Variants in LRP1B observed in about 807,000 individuals in gnomAD.
LRP1B encodes LDL receptor related protein 1B.
In LRP1B, 217 loss-of-function variants were observed where a neutral mutation model predicts 556.6. The observed-to-expected ratio is 0.39, with a 90% confidence interval of 0.35 to 0.44. The LOEUF (loss-of-function observed/expected upper bound fraction) is 0.44. Among genes scored for constraint, LRP1B ranks in the 20% least tolerant of loss-of-function variants. The probability of loss-of-function intolerance (pLI) is 1.00; values close to 1 mark genes in which losing one functional copy is unlikely to be tolerated. For missense variants in LRP1B, 5,053 were observed against 5,620.8 expected (o/e 0.90, Z 3.23); for synonymous variants, 2,047 against 1,865.8 (o/e 1.10, Z -2.50).
chr2:141,699,648 C>A (rs1007858108), intron 2 of LRP1B, among the ~76,000 whole-genome samples: 1 of 151,394 alleles, frequency 6.6e-6, no homozygotes, highest in Non-Finnish European at 1.5e-5. Context: ...GGTGGCATAG[C>A]CTTCCAGCCA....
chr2:141,412,089 A>C (rs551036663), intron 3 of LRP1B, among the ~76,000 whole-genome samples: 2 of 152,334 alleles, frequency 1.3e-5, no homozygotes, highest in South Asian at 4.1e-4. Context: ...GCTAATCAGC[A>C]AACACCAGGC....
chr2:140,471,581 A>G (rs1292190086), intron 60 of LRP1B, among the ~76,000 whole-genome samples: 1 of 152,188 alleles, frequency 6.6e-6, no homozygotes, highest in Non-Finnish European at 1.5e-5. Context: ...GATCTACTAC[A>G]TAACTATTGA....
intron 41 of LRP1B, among the ~76,000 whole-genome samples, chr2:140,662,180 C>A (rs552821): frequency 0.99 from 149,927 of 151,984 alleles, 73,978 homozygotes; most frequent in Middle Eastern, 1. Flanking sequence ...TATATATATC[C>A]GCTATATATA....
chr2:141,266,323 CAA>C (rs34877238), intron 3 of LRP1B, among the ~76,000 whole-genome samples: 38 of 73,282 alleles, frequency 5.2e-4, no homozygotes, highest in South Asian at 2.1e-3. Flanking sequence ...GACTCTGTTT[CAA>C]AAAAAAAAAA....
At chr2:140,974,601 G>A (rs1435037503) in intron 18 of LRP1B, among the ~76,000 whole-genome samples, 1 of 152,110 alleles carries the variant, frequency 6.6e-6, no homozygotes, top group Non-Finnish European at 1.5e-5. Flanking sequence ...GAGATTAGAA[G>A]GGAGAAAGGA....
At chr2:141,773,473 C>G in intron 2 of LRP1B, among the ~76,000 whole-genome samples, 1 of 152,286 alleles carries the variant, frequency 6.6e-6, no homozygotes, top group South Asian at 2.1e-4. Context: ...CAGGGGACCC[C>G]AAATGAGGAA....
chr2:140,999,389 G>T (rs1260637618), intron 15 of LRP1B, among the ~76,000 whole-genome samples: 1 of 151,946 alleles, frequency 6.6e-6, no homozygotes, highest in East Asian at 1.9e-4. Context: ...GTTACCTCAT[G>T]CATGAATTAT....
chr2:141,417,715 AAG>A (rs1250155131), intron 3 of LRP1B, among the ~76,000 whole-genome samples: 2 of 150,826 alleles, frequency 1.3e-5, no homozygotes, highest in East Asian at 3.9e-4. Context: ...AATTCTTTTG[AAG>A]AAGTACCCAA....
At chr2:141,682,859 G>A (rs1285692894) in intron 2 of LRP1B, among the ~76,000 whole-genome samples, 2 of 152,134 alleles carry the variant, frequency 1.3e-5, no homozygotes, top group Non-Finnish European at 2.9e-5. Flanking sequence ...GATTCATAAT[G>A]TGAATAACAA....
chr2:141,632,387 G>T (rs943052785), intron 2 of LRP1B, among the ~76,000 whole-genome samples: 3 of 152,110 alleles, frequency 2.0e-5, no homozygotes, highest in Non-Finnish European at 2.9e-5. Context: ...ATGCATAGAT[G>T]CTAGACAGAG....
chr2:141,518,809 G>A (rs146516555), intron 2 of LRP1B, among the ~76,000 whole-genome samples: 4,746 of 152,228 alleles, frequency 0.031, 268 homozygotes, highest in African/African-American at 0.11. Flanking sequence ...AATTAGCCAG[G>A]TGTGGTGGCG....
Position 141,559,877 on chromosome 2 carries a change from G to A in LRP1B, c.206-79344C>T, listed in dbSNP as rs535329627. Among the ~76,000 whole-genome samples the A allele has an allele frequency of 2.0e-5, 3 of 151,632 alleles. No individual in the cohort carries two copies. In the East Asian group the frequency reaches 5.8e-4, roughly 29 times the overall value. ...TTAGTCTTACAGAATTTAGGATATT[G>A]TAAAATTTGTAAAGTTCGAGGTAGA... On this transcript the variant is annotated intron_variant, in intron 2 of 90. Coordinates refer to ENST00000389484, the MANE Select transcript of LRP1B (RefSeq NM_018557.3).
At position 141,942,209 on chromosome 2, in the gene LRP1B, C is replaced by T. The variant is rs567146007; in HGVS notation, c.83-131808G>A. On this transcript the variant is annotated intron_variant, in intron 1 of 90. Transcript: ENST00000389484. ...AACCAACCTCCTCACTCTCCGCCCTCGCCCCGCCCTCCACCACACATCTTT... is the reference window on the plus strand; with the variant it reads ...AACCAACCTCCTCACTCTCCGCCCTTGCCCCGCCCTCCACCACACATCTTT... 1.1e-4 allele frequency among the ~76,000 whole-genome samples: 17 copies of T among 152,216 alleles called. No individual in the cohort carries two copies. In the South Asian group the frequency reaches 3.5e-3, roughly 32 times the overall value.
intron 42 of LRP1B, among the ~76,000 whole-genome samples, chr2:140,600,983 G>A (rs1298637130): frequency 4.0e-5 from 6 of 150,616 alleles, no homozygotes; most frequent in African/African-American, 1.2e-4. Flanking sequence ...ACCTAGTGCT[G>A]AAAAATAGCT....
At chr2:140,700,106 G>A in intron 41 of LRP1B, 144 bp downstream of exon 41, 1 of 692,698 alleles carries the variant, frequency 1.4e-6, no homozygotes, top group Non-Finnish European at 2.3e-6. Context: ...GGTGGGGGGT[G>A]AGGGTTAGAT....
At chr2:140,301,887 A>ATG (rs964927857) in intron 83 of LRP1B, among the ~76,000 whole-genome samples, 5 of 151,766 alleles carry the variant, frequency 3.3e-5, no homozygotes, top group Non-Finnish European at 7.4e-5. Flanking sequence ...ATGTATGTGT[A>ATG]TGTGTGTGTA....
In LRP1B at chr2:140,323,545, T is replaced by C. The variant is rs557786914; in HGVS notation, c.12514+348A>G. Among the ~76,000 whole-genome samples the C allele has an allele frequency of 2.0e-5, 3 of 152,088 alleles. No individual in the cohort carries two copies. In the East Asian group the frequency reaches 5.8e-4, roughly 29 times the overall value. On this transcript the variant is annotated intron_variant, in intron 81 of 90. Coordinates refer to ENST00000389484, the MANE Select transcript of LRP1B (RefSeq NM_018557.3). ...GTGCAGCACACCAACATGGCACATG[T>C]ATACATATGTAACAAACCTGCACAT...
intron 3 of LRP1B, among the ~76,000 whole-genome samples, chr2:141,255,980 G>A (rs1156401393): frequency 6.6e-6 from 1 of 152,068 alleles, no homozygotes; most frequent in Middle Eastern, 3.4e-3. Flanking sequence ...TAATCACGCT[G>A]CTACAGTTCC....
At chr2:141,757,352 G>A (rs1008021387) in intron 2 of LRP1B, among the ~76,000 whole-genome samples, 1 of 152,166 alleles carries the variant, frequency 6.6e-6, no homozygotes, top group South Asian at 2.1e-4. Context: ...CTGGGAGCTT[G>A]TGTGAGAGAT....
Sources: allele counts gnomAD v4.1 joint callset (sites outside exome capture counted in the v4.1 genomes callset), GRCh38; gene constraint gnomAD v4.1.1; transcripts MANE v1.5; gene names NCBI Gene and HGNC (gene_info 2026-07-23, HGNC 2026-07-21).